Variants in R3HDM1 observed in about 807,000 individuals in gnomAD.
R3HDM1 encodes R3H domain containing 1.
Under a neutral mutation model 141.1 loss-of-function variants are expected in R3HDM1, and 46 were observed. That is an observed-to-expected ratio of 0.33 (90% confidence interval 0.26 to 0.42). R3HDM1 has a LOEUF of 0.42. R3HDM1 is among the 10% of genes least tolerant of loss of function. R3HDM1 has a pLI of 1.00. For synonymous variants in R3HDM1, 435 were observed against 472.9 expected (o/e 0.92, Z 1.04); for missense variants, 1,184 against 1,368.3 (o/e 0.87, Z 2.12).
chr2:135,569,796 G>A (rs1703677808), intron 1 of R3HDM1, among the ~76,000 whole-genome samples: 1 of 149,034 alleles, frequency 6.7e-6, no homozygotes, highest in African/African-American at 2.6e-5. Context: ...GCACAGTCTC[G>A]GCTCACTGCA....
chr2:135,578,251 A>T (rs1242557395), intron 1 of R3HDM1, among the ~76,000 whole-genome samples: 1 of 152,220 alleles, frequency 6.6e-6, no homozygotes, highest in Non-Finnish European at 1.5e-5. Context: ...ATTAAGTATG[A>T]AGAGTATCTA....
chr2:135,549,616 G>A (rs531330774), intron 1 of R3HDM1, among the ~76,000 whole-genome samples: 1 of 151,398 alleles, frequency 6.6e-6, no homozygotes, highest in South Asian at 2.1e-4. Context: ...TATTGCTGAG[G>A]CTGAACTGAA....
chr2:135,688,547 ATTG>A lies in R3HDM1; in HGVS notation c.2459+8228_2459+8230del, dbSNP rs139816000. 3.1e-4 allele frequency among the ~76,000 whole-genome samples: 47 copies of A among 152,162 alleles called. No individual in the cohort carries two copies. In the East Asian group the frequency reaches 8.7e-3, roughly 28 times the overall value. ...TTTTTAAAAAACCATAGTGGACAGC[ATTG>A]TTGTGAAACTGAAAGCCAAAGAAAT... On this transcript the variant is annotated intron_variant, in intron 21 of 26. Coordinates refer to ENST00000683871, the MANE Select transcript of R3HDM1 (RefSeq NM_001378107.1).
chr2:135,663,134 C>CAA (rs555551580), intron 19 of R3HDM1, among the ~76,000 whole-genome samples: 101 of 90,776 alleles, frequency 1.1e-3, no homozygotes, highest in Middle Eastern at 5.1e-3. Flanking sequence ...GCCTCTCTGC[C>CAA]AAAAAAAAAA....
In R3HDM1 at chr2:135,674,831, TCCCCA is replaced by T. The variant is rs767841936; in HGVS notation, c.2153-500_2153-496del. Among the ~76,000 whole-genome samples, 267 of 152,126 alleles carry T rather than the reference TCCCCA, an allele frequency of 1.8e-3. 1 individual carries two copies. Among genetic ancestry groups the T allele is most frequent in the South Asian group, 3.3e-3 (16 of 4,818 alleles). On this transcript the variant is annotated intron_variant, in intron 19 of 26. Coordinates refer to ENST00000683871, the MANE Select transcript of R3HDM1 (RefSeq NM_001378107.1). ...TCTCTCCCCTGCCTTTTTTTTTTAA[TCCCCA>T]GCAGGGACAGTTTCATGGGAATGGA...
At chr2:135,538,952 C>T (rs1696852581) in intron 1 of R3HDM1, among the ~76,000 whole-genome samples, 1 of 151,854 alleles carries the variant, frequency 6.6e-6, no homozygotes, top group Non-Finnish European at 1.5e-5. Flanking sequence ...TGTTGTTTTT[C>T]CTTTAAAATT....
intron 9 of R3HDM1, among the ~76,000 whole-genome samples, chr2:135,634,142 C>T (rs915564726): frequency 7.9e-5 from 12 of 152,020 alleles, no homozygotes; most frequent in African/African-American, 2.4e-4. Flanking sequence ...AGCTGTTTTT[C>T]GTCTTCCTAT....
At chr2:135,534,358 T>C (rs1046468570) in intron 1 of R3HDM1, among the ~76,000 whole-genome samples, 1 of 152,262 alleles carries the variant, frequency 6.6e-6, no homozygotes, top group Non-Finnish European at 1.5e-5. Flanking sequence ...GCAAATCATT[T>C]GAAATTGTTA....
intron 1 of R3HDM1, among the ~76,000 whole-genome samples, chr2:135,570,744 T>G (rs1450346610): frequency 1.3e-5 from 2 of 152,254 alleles, no homozygotes; most frequent in African/African-American, 4.8e-5. Flanking sequence ...TTCTTGCCAG[T>G]ATTGACAAAG....
intron 26 of R3HDM1, among the ~76,000 whole-genome samples, chr2:135,722,780 C>CACAGGGAAATGTGTGAGAGGA (rs2076819366): frequency 6.6e-6 from 1 of 152,026 alleles, no homozygotes; most frequent in Non-Finnish European, 1.5e-5. Flanking sequence ...ACAGAGGGGC[C>CACAGGGAAATGTGTGAGAGGA]ACAGGGAAAT....
chr2:135,609,728 T>C (rs934799632), intron 3 of R3HDM1, among the ~76,000 whole-genome samples: 1 of 152,112 alleles, frequency 6.6e-6, no homozygotes, highest in African/African-American at 2.4e-5. Flanking sequence ...TCTTCGCGGA[T>C]AGGTTTTTCA....
chr2:135,555,234 T>C (rs1423809380), intron 1 of R3HDM1, among the ~76,000 whole-genome samples: 2 of 151,028 alleles, frequency 1.3e-5, no homozygotes, highest in Admixed American at 6.6e-5. Flanking sequence ...GAGGTGGAGA[T>C]TGTAGTGAGC....
At chr2:135,559,072 TG>T (rs1701300974) in intron 1 of R3HDM1, 2 of 950,042 alleles carry the variant, frequency 2.1e-6, no homozygotes, top group African/African-American at 3.6e-5. Flanking sequence ...TGTGTGTGTG[TG>T]TGTGTGTGTG....
At chr2:135,575,467 C>A (rs1006952511) in intron 1 of R3HDM1, among the ~76,000 whole-genome samples, 3 of 152,192 alleles carry the variant, frequency 2.0e-5, no homozygotes, top group African/African-American at 7.2e-5. Context: ...CAGGCGTGAG[C>A]CAACATGCCC....
intron 19 of R3HDM1, chr2:135,667,629 A>C (rs2067728260): frequency 1.0e-6 from 1 of 974,676 alleles, no homozygotes; most frequent in Non-Finnish European, 1.2e-6. Flanking sequence ...AGAATAATTT[A>C]TGTGGTAGCC....
intron 19 of R3HDM1, among the ~76,000 whole-genome samples, chr2:135,673,470 T>G (rs568520183): frequency 2.0e-5 from 3 of 152,326 alleles, no homozygotes; most frequent in African/African-American, 7.2e-5. Context: ...GAATTTGGGG[T>G]ATAAATTTGA....
intron 19 of R3HDM1, among the ~76,000 whole-genome samples, chr2:135,673,904 C>T (rs772113963): frequency 3.9e-5 from 6 of 152,010 alleles, no homozygotes; most frequent in Non-Finnish European, 5.9e-5. Flanking sequence ...CTTGCGCTGT[C>T]GCTTAGGCTG....
At chr2:135,587,070 T>C in intron 1 of R3HDM1, 1 of 800,662 alleles carries the variant, frequency 1.2e-6, no homozygotes. Context: ...GATCTGTCAT[T>C]GCTATGATTA....
intron 5 of R3HDM1, 80 bp downstream of exon 5, chr2:135,616,837 A>G (rs1440388716): frequency 8.8e-6 from 11 of 1,252,438 alleles, no homozygotes; most frequent in East Asian, 2.6e-5. Context: ...TGTGTTTGTT[A>G]TATTTGTTTT....
Sources: gnomAD v4.1 joint callset for allele counts (sites outside exome capture counted in the v4.1 genomes callset) on GRCh38, gnomAD v4.1.1 for gene constraint, MANE v1.5 for transcripts, NCBI Gene and HGNC (gene_info 2026-07-23, HGNC 2026-07-21) for gene names.